Variants in ZNF654 observed in about 807,000 individuals in gnomAD.
ZNF654 encodes the protein zinc finger protein 654, also known as melanoma-associated antigen.
In ZNF654, 19 loss-of-function variants were observed where a neutral mutation model predicts 95.3. The ratio of observed to expected loss-of-function variants is 0.20; its 90% CI spans 0.14 to 0.29. The LOEUF is 0.29. Among genes scored for constraint, ZNF654 ranks in the 10% least tolerant of loss-of-function variants. The pLI, the probability that ZNF654 is intolerant of heterozygous loss-of-function variation, is 1.00. For missense variants in ZNF654, 1,046 were observed against 1,341.0 expected (o/e 0.78, Z 3.44); for synonymous variants, 413 against 457.9 (o/e 0.90, Z 1.25).
intron 2 of ZNF654, among the ~76,000 whole-genome samples, chr3:88,109,721 C>T (rs1704975145): frequency 6.6e-6 from 1 of 152,070 alleles, no homozygotes; most frequent in Admixed American, 6.6e-5. Flanking sequence ...ATAATTATTT[C>T]AATTTAGGTA....
In ZNF654 at chr3:88,086,151, A is replaced by G. The variant is rs1708326172; in HGVS notation, c.187-106A>G. On this transcript the variant is annotated intron_variant, in intron 1 of 8. Transcript: ENST00000636215. ...TCCCTCCCTCCAGTCACCTGTGTTC[A>G]TGCCGATCTAATATTTTAATTTATC... 3.0e-6 allele frequency: 3 copies of G among 1,005,106 alleles called. No homozygotes were observed. The Admixed American group carries it at 7.6e-5, about 26-fold the overall frequency. The allele number at this position is 1,005,106 out of a possible 1,614,324, so 62.3% of individuals were successfully genotyped here.
intron 2 of ZNF654, among the ~76,000 whole-genome samples, chr3:88,098,854 CTA>C (rs1311319377): frequency 6.6e-6 from 1 of 152,110 alleles, no homozygotes; most frequent in African/African-American, 2.4e-5. Flanking sequence ...TAAGAGCTAT[CTA>C]TGACAAACCC....
intron 1 of ZNF654, 111 bp downstream of exon 1, chr3:88,059,616 A>C: frequency 5.5e-6 from 7 of 1,275,334 alleles, no homozygotes; most frequent in South Asian, 1.6e-5. Context: ...GCTCCTCCCC[A>C]ACAAGGAGGG....
intron 1 of ZNF654, among the ~76,000 whole-genome samples, chr3:88,060,686 A>C (rs1337325915): frequency 2.0e-5 from 3 of 152,166 alleles, no homozygotes; most frequent in Non-Finnish European, 4.4e-5. Context: ...GGTAGCTATT[A>C]ATTTCGTTCT....
intron 2 of ZNF654, among the ~76,000 whole-genome samples, chr3:88,102,808 C>T (rs1185930538): frequency 7.2e-6 from 1 of 138,404 alleles, no homozygotes; most frequent in Non-Finnish European, 1.5e-5. Flanking sequence ...TTACCTCAAC[C>T]TCTACTGTCT....
At chr3:88,061,898 A>T (rs1189084377) in intron 1 of ZNF654, among the ~76,000 whole-genome samples, 1 of 152,164 alleles carries the variant, frequency 6.6e-6, no homozygotes, top group Non-Finnish European at 1.5e-5. Flanking sequence ...TTATACAGAC[A>T]GGCTAGTGGT....
chr3:88,096,921 C>G (rs1704096852), intron 2 of ZNF654, among the ~76,000 whole-genome samples: 1 of 152,078 alleles, frequency 6.6e-6, no homozygotes, highest in Non-Finnish European at 1.5e-5. Flanking sequence ...TCATTTTAGA[C>G]AAATGCTAGT....
At chr3:88,101,417 A>G (rs1647087725) in intron 2 of ZNF654, among the ~76,000 whole-genome samples, 1 of 152,190 alleles carries the variant, frequency 6.6e-6, no homozygotes, top group African/African-American at 2.4e-5. Context: ...AAGTGAAAAT[A>G]TTTAAAAATA....
chr3:88,141,587 T>A, intron 8 of ZNF654, 58 bp from the exon 9 acceptor site: 1 of 1,337,238 alleles, frequency 7.5e-7, no homozygotes, highest in Non-Finnish European at 1.0e-6. Flanking sequence ...GAATCTGACT[T>A]GGAATTCCGG....
intron 6 of ZNF654, among the ~76,000 whole-genome samples, chr3:88,133,426 A>G (rs1234301255): frequency 2.0e-5 from 3 of 152,204 alleles, no homozygotes; most frequent in East Asian, 1.9e-4. Context: ...TCGATAAAAT[A>G]TAACAAGGAA....
intron 3 of ZNF654, among the ~76,000 whole-genome samples, chr3:88,124,457 T>G: frequency 6.6e-6 from 1 of 152,226 alleles, no homozygotes; most frequent in Non-Finnish European, 1.5e-5. Context: ...TTTCTTCTAC[T>G]ACTTTCTTCT....
In ZNF654 at chr3:88,072,802, G is replaced by A. The variant is rs529438948; in HGVS notation, c.186+13297G>A. 8.0e-4 allele frequency among the ~76,000 whole-genome samples: 122 copies of A among 152,172 alleles called. 1 individual carries two copies. The highest frequency in any genetic ancestry group is 2.9e-3 in the African/African-American group (119 of 41,504). On this transcript the variant is annotated intron_variant, in intron 1 of 8. Transcript: ENST00000636215. ...CTTGGTACACAGTAGGCACTCTAAG[G>A]TTTGAATAAATTAATGAATAAATAT...
intron 1 of ZNF654, among the ~76,000 whole-genome samples, chr3:88,061,922 G>C (rs1706909142): frequency 6.6e-6 from 1 of 152,144 alleles, no homozygotes; most frequent in Non-Finnish European, 1.5e-5. Flanking sequence ...TCAAAGAAAG[G>C]CTCTGGTTTA....
chr3:88,140,771 T>A lies in ZNF654; in HGVS notation c.3102T>A (p.Ser1034Arg), dbSNP rs562938008. 6.2e-7 allele frequency: 1 copy of A among 1,613,732 alleles called. No individual in the cohort carries two copies. Among genetic ancestry groups the A allele is most frequent in the Admixed American group, 1.7e-5 (1 of 59,990 alleles). ...SQAPSKPNLT[S>R]EHTSYGLILT... Reference sequence around the variant, plus strand: ...CACCTTCCAAACCAAATCTGACAAGTGAACATACTTCATATGGCTTAATTT... The same window carrying A: ...CACCTTCCAAACCAAATCTGACAAGAGAACATACTTCATATGGCTTAATTT... The change falls in exon 8 of 9, where the codon AGT (serine) becomes AGA (arginine). Residue 1034 changes from serine to arginine, a missense_variant. Physicochemically the swap from Ser to Arg is moderately radical, Grantham distance 110. This residue lies in a region of ZNF654 where 495 missense variants were observed against 537.0 expected (regional missense o/e 0.92). Coordinates refer to ENST00000636215, the MANE Select transcript of ZNF654 (RefSeq NM_001350134.2).
intron 1 of ZNF654, 71 bp from the exon 2 acceptor site, chr3:88,086,186 T>C (rs1253805280): frequency 1.1e-5 from 16 of 1,415,954 alleles, no homozygotes; most frequent in Non-Finnish European, 1.4e-5. Context: ...CCAGTAACTT[T>C]TATGCAAATT....
chr3:88,140,507 T>C lies in ZNF654; in HGVS notation c.2838T>C (p.Ser946=). The change falls in exon 8 of 9, where the codon TCT becomes TCC. Residue 946 remains serine (S), a synonymous_variant. Transcript: ENST00000636215. ...DSLVQNGNER[S]DDTVSNISLI... ...TAGTTCAGAATGGAAACGAACGTTCTGATGACACTGTTTCAAATATAAGCT... is the reference window on the plus strand; with the variant it reads ...TAGTTCAGAATGGAAACGAACGTTCCGATGACACTGTTTCAAATATAAGCT... 6.2e-7 allele frequency: 1 copy of C among 1,613,802 alleles called. No homozygotes were observed. Among genetic ancestry groups the C allele is most frequent in the Non-Finnish European group, 8.5e-7 (1 of 1,179,780 alleles).
intron 1 of ZNF654, among the ~76,000 whole-genome samples, chr3:88,072,159 C>G (rs1707551470): frequency 6.6e-6 from 1 of 152,088 alleles, no homozygotes. Context: ...CATCCTTGCT[C>G]TAAAGGAACT....
Position 88,142,884 on chromosome 3 carries a change from A to G in ZNF654, c.*1232A>G, listed in dbSNP as rs1318273817. ...TCCTAAGAAGATTTTAACTTAATAA[A>G]GTGTTAAAACAATAAATATTTTTAA... On this transcript the variant is annotated 3_prime_UTR_variant, in exon 9 of 9. Transcript: ENST00000636215. 1 of 152,330 alleles carries G rather than the reference A, an allele frequency of 6.6e-6. No homozygotes were observed. Among genetic ancestry groups the G allele is most frequent in the Non-Finnish European group, 1.5e-5 (1 of 67,800 alleles). 9.4% of individuals were successfully genotyped at this position (152,330 alleles called of 1,614,324 possible).
intron 1 of ZNF654, among the ~76,000 whole-genome samples, chr3:88,061,048 A>G (rs1706851755): frequency 6.6e-6 from 1 of 152,074 alleles, no homozygotes; most frequent in Non-Finnish European, 1.5e-5. Flanking sequence ...TATTTTGATA[A>G]TTGGCATTCA....
Sources: gnomAD v4.1 joint callset for allele counts (sites outside exome capture counted in the v4.1 genomes callset) on GRCh38, gnomAD v4.1.1 for gene constraint, gnomAD v4.1.1 regional missense constraint, MANE v1.5 for transcripts, NCBI Gene and HGNC (gene_info 2026-07-23, HGNC 2026-07-21) for gene names.